Variants in TRABD2B observed in about 807,000 individuals in gnomAD.
TRABD2B encodes the protein TraB domain containing 2B, also known as metalloprotease TIKI2.
A neutral mutation model predicts 40.1 loss-of-function variants in TRABD2B; 14 were observed. The ratio of observed to expected loss-of-function variants is 0.35; its 90% CI spans 0.23 to 0.55. The LOEUF is 0.55. Ranked by LOEUF, TRABD2B falls within the 20% of genes least tolerant of loss-of-function variation. The pLI is 0.90. For synonymous variants in TRABD2B, 263 were observed against 277.0 expected, an observed-to-expected ratio of 0.95 and a Z score of 0.50; for missense variants, 541 against 648.6, an observed-to-expected ratio of 0.83 and a Z score of 1.80.
rs1644259195 is a variant in TRABD2B, at chr1:47,762,898, G to A, written c.*3004C>T. Reference sequence around the variant, plus strand: ...CAGTCAGCTTTCGTGAGAGGTAGAGGACCCAGGGCCACAATAACATGCTGC... The same window carrying A: ...CAGTCAGCTTTCGTGAGAGGTAGAGAACCCAGGGCCACAATAACATGCTGC... On this transcript the variant is annotated 3_prime_UTR_variant, in exon 7 of 7. Transcript: ENST00000606738. The A allele has an allele frequency of 6.6e-6, 1 of 152,170 alleles. No homozygotes were observed. Among genetic ancestry groups the A allele is most frequent in the African/African-American group, 2.4e-5 (1 of 41,438 alleles). The allele number at this position is 152,170 out of a possible 1,614,324, so 9.4% of individuals were successfully genotyped here.
intron 2 of TRABD2B, among the ~76,000 whole-genome samples, chr1:47,963,759 C>T (rs1232721999): frequency 6.6e-6 from 1 of 152,212 alleles, no homozygotes; most frequent in East Asian, 1.9e-4. Context: ...CCCCTGGCAA[C>T]CGTCCTATGA....
chr1:47,941,471 T>A (rs1330024107), intron 2 of TRABD2B, among the ~76,000 whole-genome samples: 2 of 152,310 alleles, frequency 1.3e-5, no homozygotes, highest in East Asian at 3.9e-4. Flanking sequence ...TGTGCCCACT[T>A]ACCCACAAAA....
In TRABD2B at chr1:47,868,161, G is replaced by A. The variant is rs559054616; in HGVS notation, c.667-66542C>T. 3.3e-5 allele frequency among the ~76,000 whole-genome samples: 5 copies of A among 152,318 alleles called. No homozygotes were observed. The South Asian group carries it at 1.0e-3, about 32-fold the overall frequency. On this transcript the variant is annotated intron_variant, in intron 2 of 6. Coordinates refer to ENST00000606738, the MANE Select transcript of TRABD2B (RefSeq NM_001194986.2). Reference sequence around the variant, plus strand: ...AGTCCCAAAGCACCATTCGCATTTGGTGTCTAGAGGGACAGGATCATTCTT... The same window carrying A: ...AGTCCCAAAGCACCATTCGCATTTGATGTCTAGAGGGACAGGATCATTCTT...
chr1:47,802,459 C>A (rs1005704234), intron 2 of TRABD2B, among the ~76,000 whole-genome samples: 2 of 152,148 alleles, frequency 1.3e-5, no homozygotes, highest in Non-Finnish European at 2.9e-5. Context: ...CATAGCTAGG[C>A]CTGGAGCTAG....
At chr1:47,773,677 T>C (rs1186501422) in intron 6 of TRABD2B, among the ~76,000 whole-genome samples, 1 of 152,244 alleles carries the variant, frequency 6.6e-6, no homozygotes, top group Non-Finnish European at 1.5e-5. Context: ...TCCTCAGCCA[T>C]GTGGAACTGT....
At chr1:47,839,339 G>A (rs952029857) in intron 2 of TRABD2B, among the ~76,000 whole-genome samples, 6 of 152,030 alleles carry the variant, frequency 3.9e-5, no homozygotes, top group African/African-American at 9.7e-5. Flanking sequence ...CAAGTGCTAG[G>A]AGCCTGCCCC....
chr1:47,869,003 T>A (rs530762883), intron 2 of TRABD2B, among the ~76,000 whole-genome samples: 60 of 152,308 alleles, frequency 3.9e-4, no homozygotes, highest in African/African-American at 1.4e-3. Context: ...GAGAAAGGTT[T>A]GATGCCTCTG....
At chr1:47,881,769 T>C (rs1410087479) in intron 2 of TRABD2B, among the ~76,000 whole-genome samples, 1 of 152,212 alleles carries the variant, frequency 6.6e-6, no homozygotes, top group Non-Finnish European at 1.5e-5. Context: ...TATGTGCTCA[T>C]AGACACCACA....
At chr1:47,773,522 G>A (rs977194572) in intron 6 of TRABD2B, among the ~76,000 whole-genome samples, 7 of 152,344 alleles carry the variant, frequency 4.6e-5, no homozygotes, top group Non-Finnish European at 8.8e-5. Flanking sequence ...GGTTTCCCAC[G>A]TACTATTCTT....
chr1:47,980,195 C>T (rs1200096435), intron 2 of TRABD2B, among the ~76,000 whole-genome samples: 3 of 152,076 alleles, frequency 2.0e-5, no homozygotes, highest in Admixed American at 6.5e-5. Flanking sequence ...TCCTTCAATC[C>T]GGATCAATAT....
intron 2 of TRABD2B, among the ~76,000 whole-genome samples, chr1:47,928,568 G>T (rs963958824): frequency 6.6e-6 from 1 of 152,222 alleles, no homozygotes; most frequent in Non-Finnish European, 1.5e-5. Context: ...AGACACAGTT[G>T]CTGAGCTGAG....
chr1:47,786,984 T>C (rs1185296259), intron 4 of TRABD2B, among the ~76,000 whole-genome samples: 1 of 152,104 alleles, frequency 6.6e-6, no homozygotes, highest in Non-Finnish European at 1.5e-5. Flanking sequence ...GGACTACAAA[T>C]GTGAGCCACT....
At chr1:47,983,401 G>A (rs1645869891) in intron 2 of TRABD2B, among the ~76,000 whole-genome samples, 2 of 152,100 alleles carry the variant, frequency 1.3e-5, no homozygotes, top group African/African-American at 4.8e-5. Flanking sequence ...ATACCTGGGT[G>A]ATGAAATAAT....
In TRABD2B at chr1:47,794,775, C is replaced by G. The variant is rs1245844866; in HGVS notation, c.814-15G>C. 2 of 1,426,940 alleles carry G rather than the reference C, an allele frequency of 1.4e-6. No individual in the cohort carries two copies. The highest frequency in any genetic ancestry group is 1.8e-6 in the Non-Finnish European group (2 of 1,081,694). 88.4% of individuals were successfully genotyped at this position (1,426,940 alleles called of 1,614,324 possible). On this transcript the variant is annotated splice_polypyrimidine_tract_variant and intron_variant, in intron 3 of 6. Coordinates refer to ENST00000606738, the MANE Select transcript of TRABD2B (RefSeq NM_001194986.2). ...AAGTTGGGCAGCTGCAAAGGCAAGA[C>G]AGAGGCTGCCTTCAGTTTTTTTTTT...
chr1:47,830,221 C>T (rs544571036), intron 2 of TRABD2B, among the ~76,000 whole-genome samples: 16 of 152,358 alleles, frequency 1.1e-4, no homozygotes, highest in Admixed American at 8.5e-4. Flanking sequence ...CCCCTTGCCC[C>T]GTTCCCAGCC....
At chr1:47,966,196 G>C (rs1474086051) in intron 2 of TRABD2B, among the ~76,000 whole-genome samples, 1 of 152,168 alleles carries the variant, frequency 6.6e-6, no homozygotes, top group East Asian at 1.9e-4. Flanking sequence ...AGGGCAGGGG[G>C]CTGTGGGAAC....
chr1:47,779,339 GGT>G (rs978623464), intron 4 of TRABD2B, among the ~76,000 whole-genome samples: 81 of 152,304 alleles, frequency 5.3e-4, no homozygotes, highest in African/African-American at 1.9e-3. Context: ...ACCCTCCAGA[GGT>G]GTGTGTGGGG....
chr1:47,943,498 A>T (rs993224586), intron 2 of TRABD2B, among the ~76,000 whole-genome samples: 1 of 152,172 alleles, frequency 6.6e-6, no homozygotes, highest in Non-Finnish European at 1.5e-5. Flanking sequence ...TTCCACAAAG[A>T]TCACAGAAAT....
chr1:47,815,179 A>C (rs912105532), intron 2 of TRABD2B, among the ~76,000 whole-genome samples: 2 of 152,238 alleles, frequency 1.3e-5, no homozygotes, highest in African/African-American at 4.8e-5. Context: ...AGGCAAAAGA[A>C]TGTGAAACTG....
Sources: gnomAD v4.1 joint callset for allele counts (sites outside exome capture counted in the v4.1 genomes callset) on GRCh38, gnomAD v4.1.1 for gene constraint, MANE v1.5 for transcripts, NCBI Gene and HGNC (gene_info 2026-07-23, HGNC 2026-07-21) for gene names.